The following AGPAT1 variants were observed in gnomAD, a reference collection of about 807,000 sequenced individuals.
AGPAT1 encodes 1-acyl-sn-glycerol-3-phosphate acyltransferase alpha.
AGPAT1 carries 6 observed loss-of-function variants against 31.2 expected under a neutral mutation model. That is an observed-to-expected ratio of 0.19 (90% CI 0.11 to 0.38). The LOEUF (loss-of-function observed/expected upper bound fraction) is 0.38. Among genes scored for constraint, AGPAT1 ranks in the 10% least tolerant of loss-of-function variants. The pLI, the probability that AGPAT1 is intolerant of heterozygous loss-of-function variation, is 1.00. For synonymous variants in AGPAT1, 139 were observed against 154.0 expected, an observed-to-expected ratio of 0.90 and a Z score of 0.72; for missense variants, 187 against 377.8, an observed-to-expected ratio of 0.49 and a Z score of 4.19.
rs1439539568 is a variant in AGPAT1 at position 32,174,454 on chromosome 6, T to A, written c.-10+1360A>T. ...GGAAGAGGTCATCTCACAAGAGAAATGTACCGAATGGGATCAAGATGCCAC... is the reference window on the plus strand; with the variant it reads ...GGAAGAGGTCATCTCACAAGAGAAAAGTACCGAATGGGATCAAGATGCCAC... On this transcript the variant is annotated intron_variant, in intron 1 of 6. Transcript: ENST00000375107. The surrounding 1 kb of genome is among the most constrained non-coding windows in gnomAD (Gnocchi z 4.5). Among the ~76,000 whole-genome samples, 1 of 152,180 alleles carries A rather than the reference T, an allele frequency of 6.6e-6. No homozygotes were observed. Among genetic ancestry groups the A allele is most frequent in the South Asian group, 2.1e-4 (1 of 4,820 alleles).
In AGPAT1 at chr6:32,170,357, A is replaced by G. The variant is rs890809433; in HGVS notation, c.510+68T>C. On this transcript the variant is annotated intron_variant, in intron 4 of 6. Coordinates refer to ENST00000375107, the MANE Select transcript of AGPAT1 (RefSeq NM_006411.4). The surrounding 1 kb of genome is among the most constrained non-coding windows in gnomAD (Gnocchi z 7.7). ...GACCTTTGAGGCCCACTGGCCCTGC[A>G]TATCAGTTTATTTACAACTGTTCTA... is the stretch of plus-strand genomic sequence containing the variant. 4 of 1,610,870 alleles carry G rather than the reference A, an allele frequency of 2.5e-6. No homozygotes were observed. The highest frequency in any genetic ancestry group is 3.4e-6 in the Non-Finnish European group (4 of 1,177,198).
rs893477074 is a variant in AGPAT1 at position 32,169,624 on chromosome 6, T to C, written c.680-176A>G. On this transcript the variant is annotated intron_variant, in intron 6 of 6. Transcript: ENST00000375107. The surrounding 1 kb of genome is among the most constrained non-coding windows in gnomAD (Gnocchi z 5.9). ...GAGGCCCTTCTCCTATACAAAGCCT[T>C]CTCCAATCCCCAGTTCAGACATCTC... 1.2e-5 allele frequency: 9 copies of C among 728,150 alleles called. No homozygotes were observed. The African/African-American group carries it at 1.4e-4, about 12-fold the overall frequency. 45.1% of individuals were successfully genotyped at this position (728,150 alleles called of 1,614,324 possible).
At position 32,169,371 on chromosome 6, in the gene AGPAT1, T is replaced by C. The variant is rs1784846416; in HGVS notation, c.757A>G (p.Arg253Gly). 1.9e-6 allele frequency: 3 copies of C among 1,612,926 alleles called. No individual in the cohort carries two copies. In the East Asian group the frequency reaches 6.7e-5, roughly 36 times the overall value. Residue 253 changes from arginine to glycine, a missense_variant, in exon 7 of 7, where the codon AGA (arginine) becomes GGA (glycine). Around this residue, in one of 3 missense-constraint regions of AGPAT1, gnomAD observed 113 missense variants for 283.1 expected, o/e 0.40. Transcript: ENST00000375107. This position sits in a 1 kb window ranked among gnomAD's most constrained non-coding sequence, Gnocchi z 5.9. Reference protein sequence around the residue: ...TPDDVPALADRVRHSMLTVFR... With the variant: ...TPDDVPALADGVRHSMLTVFR... The stretch of plus-strand genomic sequence containing the variant: ...ACAGTGAGCATGGAGTGCCGGACTC[T>C]GTCAGCCAGAGCTGGGACGTCATCT...
chr6:32,170,177 T>C lies in AGPAT1; in HGVS notation c.594A>G (p.Ala198=). The C allele has an allele frequency of 6.2e-7, 1 of 1,614,126 alleles. No homozygotes were observed. The highest frequency in any genetic ancestry group is 8.5e-7 in the Non-Finnish European group (1 of 1,180,012). The change falls in exon 5 of 7, where the codon GCA becomes GCG. Residue 198 remains alanine, a synonymous_variant. Transcript: ENST00000375107. The surrounding 1 kb of genome is among the most constrained non-coding windows in gnomAD (Gnocchi z 7.7). ...LPFKRGAFHL[A]VQAQVPIVPI... ...GAGCAGTAGTCACCTGGGCCTGCAC[T>C]GCAAGATGGAAGGCGCCACGTTTGA...
Position 32,169,351 on chromosome 6 carries a change from G to A in AGPAT1, c.777C>T (p.Leu259=). 6.2e-7 allele frequency: 1 copy of A among 1,612,984 alleles called. No individual in the cohort carries two copies. The highest frequency in any genetic ancestry group is 8.5e-7 in the Non-Finnish European group (1 of 1,179,984). Residue 259 remains leucine, a synonymous_variant, in exon 7 of 7, where the codon CTC becomes CTT. Coordinates refer to ENST00000375107, the MANE Select transcript of AGPAT1 (RefSeq NM_006411.4). The surrounding 1 kb of genome is among the most constrained non-coding windows in gnomAD (Gnocchi z 5.9). The stretch of plus-strand genomic sequence containing the variant: ...CAGTGGAGATTTCCCGGAAAACAGT[G>A]AGCATGGAGTGCCGGACTCTGTCAG... ...ALADRVRHSM[L]TVFREISTDG...
chr6:32,170,730 G>A lies in AGPAT1; in HGVS notation c.335-130C>T. ...AGGAGGAGACTAGGCAGGGAGGGGG[G>A]CCCCAAGTGAAGGAAAGGGTGACCA... is the stretch of plus-strand genomic sequence containing the variant. On this transcript the variant is annotated intron_variant, in intron 3 of 6. Coordinates refer to ENST00000375107, the MANE Select transcript of AGPAT1 (RefSeq NM_006411.4). This position sits in a 1 kb window ranked among gnomAD's most constrained non-coding sequence, Gnocchi z 7.7. 1.5e-6 allele frequency: 2 copies of A among 1,361,894 alleles called. No homozygotes were observed. Among genetic ancestry groups the A allele is most frequent in the Non-Finnish European group, 2.1e-6 (2 of 973,716 alleles). The allele number at this position is 1,361,894 out of a possible 1,614,324, so 84.4% of individuals were successfully genotyped here. A position where few individuals can be genotyped will look rare whatever the true frequency, so the allele number is the denominator to read the frequency against.
chr6:32,168,972 C>A lies in AGPAT1; in HGVS notation c.*304G>T. ...AGACTCCACTGGGGATGGAATGTTC[C>A]CCTCCCTTGTGTAGGCTGAGTCACT... is the stretch of plus-strand genomic sequence containing the variant. On this transcript the variant is annotated 3_prime_UTR_variant, in exon 7 of 7. Coordinates refer to ENST00000375107, the MANE Select transcript of AGPAT1 (RefSeq NM_006411.4). This position sits in a 1 kb window ranked among gnomAD's most constrained non-coding sequence, Gnocchi z 4.5. 6.5e-6 allele frequency: 3 copies of A among 462,174 alleles called. No individual in the cohort carries two copies. The highest frequency in any genetic ancestry group is 1.2e-5 in the Non-Finnish European group (3 of 256,562). 28.6% of individuals were successfully genotyped at this position (462,174 alleles called of 1,614,324 possible).
rs1029496931 is a variant in AGPAT1 at position 32,171,673 on chromosome 6, G to A, written c.-9-168C>T. 5 of 878,010 alleles carry A rather than the reference G, an allele frequency of 5.7e-6. No homozygotes were observed. The highest frequency in any genetic ancestry group is 1.7e-6 in the Non-Finnish European group (1 of 584,034). 54.4% of individuals were successfully genotyped at this position (878,010 alleles called of 1,614,324 possible). ...TTCCCAGGAAGGCTCTCTAGGATGA[G>A]GGTGGTGGAGAAAGAGCTCAGGACT... is the stretch of plus-strand genomic sequence containing the variant. On this transcript the variant is annotated intron_variant, in intron 1 of 6. Transcript: ENST00000375107. This position sits in a 1 kb window ranked among gnomAD's most constrained non-coding sequence, Gnocchi z 6.9.
chr6:32,175,128 A>G lies in AGPAT1; in HGVS notation c.-10+686T>C, dbSNP rs1785420186. ...AAATGTGCAAGTAACATGAAATTATAGAACAGGTGCAATATATGAAAACTC... is the reference window on the plus strand; with the variant it reads ...AAATGTGCAAGTAACATGAAATTATGGAACAGGTGCAATATATGAAAACTC... On this transcript the variant is annotated intron_variant, in intron 1 of 6. Transcript: ENST00000375107. This position sits in a 1 kb window ranked among gnomAD's most constrained non-coding sequence, Gnocchi z 4.5. Among the ~76,000 whole-genome samples, 1 of 152,250 alleles carries G rather than the reference A, an allele frequency of 6.6e-6. No homozygotes were observed. Among genetic ancestry groups the G allele is most frequent in the South Asian group, 2.1e-4 (1 of 4,836 alleles).
At position 32,170,952 on chromosome 6, in the gene AGPAT1, A is replaced by C; in HGVS notation, c.319T>G (p.Ser107Ala). 6.2e-7 allele frequency: 1 copy of C among 1,611,828 alleles called. No individual in the cohort carries two copies. The highest frequency in any genetic ancestry group is 2.2e-5 in the East Asian group (1 of 44,852). ...GGGGTCTCACCAAGCAGATCGAGAG[A>C]GCTCTGGTGGTTGGAGACAACAACA... ...PYVVVSNHQS[S>A]LDLLGMMEVL... is the part of the protein sequence containing the mutation. The change falls in exon 3 of 7, where the codon TCT becomes GCT. Residue 107 changes from serine (S) to alanine (A), a missense_variant. Physicochemically the swap from Ser to Ala is moderately conservative, Grantham distance 99 (BLOSUM62 1). Coordinates refer to ENST00000375107, the MANE Select transcript of AGPAT1 (RefSeq NM_006411.4). This position sits in a 1 kb window ranked among gnomAD's most constrained non-coding sequence, Gnocchi z 7.7.
upstream of AGPAT1, chr6:32,176,758 G>A: frequency 2.9e-6 from 1 of 346,514 alleles, no homozygotes; most frequent in Non-Finnish European, 5.2e-6. Flanking sequence ...TACTTCCTTC[G>A]TATCAGTCTC....
rs1785034351 is a variant in AGPAT1 at position 32,170,882 on chromosome 6, G to A, written c.334+55C>T. ...CTCTAGGAGAAGATATTCTAGGGAA[G>A]GTTTCAGGAGGGGAGGCATGGCTGG... is the stretch of plus-strand genomic sequence containing the variant. On this transcript the variant is annotated intron_variant, in intron 3 of 6. Transcript: ENST00000375107. This position sits in a 1 kb window ranked among gnomAD's most constrained non-coding sequence, Gnocchi z 7.7. The A allele has an allele frequency of 1.9e-6, 3 of 1,576,962 alleles. No homozygotes were observed. Among genetic ancestry groups the A allele is most frequent in the Admixed American group, 3.5e-5 (2 of 57,824 alleles).
rs1356176472 is a variant in AGPAT1, at chr6:32,170,242, G to A, written c.529C>T (p.Pro177Ser). Residue 177 changes from proline (P) to serine (S), a missense_variant, in exon 5 of 7, where the codon CCT (proline) becomes TCT (serine). Transcript: ENST00000375107. The surrounding 1 kb of genome is among the most constrained non-coding windows in gnomAD (Gnocchi z 7.7). ...CCATTGTGGTTTCTCGTTCCCTCAG[G>A]AAACACCCAGACCCTCACCTGGGGG... ...LTQDVRVWVF[P>S]EGTRNHNGSM... 6.2e-7 allele frequency: 1 copy of A among 1,613,802 alleles called. No homozygotes were observed. The highest frequency in any genetic ancestry group is 8.5e-7 in the Non-Finnish European group (1 of 1,179,888).
At chr6:32,176,767 T>C (rs1292773383), upstream of AGPAT1, 2 of 362,470 alleles carry the variant, frequency 5.5e-6, no homozygotes, top group Admixed American at 4.7e-5. Context: ...CGTATCAGTC[T>C]CCTTACTTGC....
Position 32,169,425 on chromosome 6 carries a change from G to A in AGPAT1, c.703C>T (p.Pro235Ser). The A allele has an allele frequency of 6.2e-7, 1 of 1,612,580 alleles. No individual in the cohort carries two copies. Among genetic ancestry groups the A allele is most frequent in the Non-Finnish European group, 8.5e-7 (1 of 1,179,920 alleles). ...GTCAGCCCTTCCGTGGGCACTGGGG[G>A]CAGCACCCGCACCTGACATTGTCCT... ...TSGQCQVRVL[P>S]PVPTEGLTPD... The change falls in exon 7 of 7, where the codon CCC becomes TCC. Residue 235 changes from proline to serine, a missense_variant. Transcript: ENST00000375107. This position sits in a 1 kb window ranked among gnomAD's most constrained non-coding sequence, Gnocchi z 5.9.
Position 32,171,507 on chromosome 6 carries a change from T to C in AGPAT1, c.-9-2A>G. ...TGGCCACAAATCCATTCTGGCCACCTGCAGGGGATGGGGCAAGGGACAATC... is the reference window on the plus strand; with the variant it reads ...TGGCCACAAATCCATTCTGGCCACCCGCAGGGGATGGGGCAAGGGACAATC... On this transcript the variant is annotated splice_acceptor_variant, in intron 1 of 6. Transcript: ENST00000375107. LOFTEE classifies it low-confidence loss of function (5UTR_SPLICE). The surrounding 1 kb of genome is among the most constrained non-coding windows in gnomAD (Gnocchi z 6.9). The C allele has an allele frequency of 6.4e-7, 1 of 1,567,920 alleles. No homozygotes were observed. Among genetic ancestry groups the C allele is most frequent in the Non-Finnish European group, 8.6e-7 (1 of 1,159,226 alleles).
upstream of AGPAT1, chr6:32,176,117 GTTTCC>G: frequency 1.0e-6 from 1 of 985,612 alleles, no homozygotes; most frequent in Non-Finnish European, 1.2e-6. Context: ...ACGCCTGCTG[GTTTCC>G]GGGGCCGGCC....
rs200978599 is a variant in AGPAT1, at chr6:32,171,310, C to T, written c.187G>A (p.Val63Ile). Residue 63 changes from valine to isoleucine, a missense_variant, in exon 2 of 7, where the codon GTC becomes ATC. This residue lies in a region of AGPAT1 where 113 missense variants were observed against 283.1 expected (regional missense o/e 0.40). Coordinates refer to ENST00000375107, the MANE Select transcript of AGPAT1 (RefSeq NM_006411.4). The surrounding 1 kb of genome is among the most constrained non-coding windows in gnomAD (Gnocchi z 6.9). ...CTTGCCCCTCACTTCATGTTCTCGA[C>T]GTTGCGTCCTCGCACGGCACACACA... ...IPVCAVRGRN[V>I]ENMKILRLML... The T allele has an allele frequency of 8.5e-5, 137 of 1,613,154 alleles. No individual in the cohort carries two copies. In the African/African-American group the frequency reaches 9.3e-4, roughly 11 times the overall value.
chr6:32,171,688 A>G lies in AGPAT1; in HGVS notation c.-9-183T>C. 1.4e-6 allele frequency: 1 copy of G among 732,670 alleles called. No homozygotes were observed. Among genetic ancestry groups the G allele is most frequent in the Non-Finnish European group, 2.2e-6 (1 of 455,334 alleles). 45.4% of individuals were successfully genotyped at this position (732,670 alleles called of 1,614,324 possible). A position where few individuals can be genotyped will look rare whatever the true frequency, so the allele number is the denominator to read the frequency against. ...TCTAGGATGAGGGTGGTGGAGAAAGAGCTCAGGACTGCTCTCCCACCACTC... is the reference window on the plus strand; with the variant it reads ...TCTAGGATGAGGGTGGTGGAGAAAGGGCTCAGGACTGCTCTCCCACCACTC... On this transcript the variant is annotated intron_variant, in intron 1 of 6. Coordinates refer to ENST00000375107, the MANE Select transcript of AGPAT1 (RefSeq NM_006411.4). The surrounding 1 kb of genome is among the most constrained non-coding windows in gnomAD (Gnocchi z 6.9).
Sources: allele counts gnomAD v4.1 joint callset (sites outside exome capture counted in the v4.1 genomes callset), GRCh38; gene constraint gnomAD v4.1.1; regional missense constraint gnomAD v4.1.1; non-coding constraint Gnocchi (gnomAD v3.1); transcripts MANE v1.5; gene names NCBI Gene and HGNC (gene_info 2026-07-23, HGNC 2026-07-21).